QKI: variants seen among roughly 807,000 people sequenced by gnomAD.
QKI encodes QKI, KH domain containing RNA binding.
In QKI, 10 loss-of-function variants were observed where a neutral mutation model predicts 39.0. The ratio of observed to expected loss-of-function variants is 0.26; its 90% CI spans 0.16 to 0.43. The LOEUF is 0.43. QKI is among the 20% of genes least tolerant of loss of function. The pLI is 1.00. For missense variants in QKI, 218 were observed against 428.0 expected (o/e 0.51, Z 4.33); for synonymous variants, 204 against 155.4 (o/e 1.31, Z -2.33).
chr6:163,531,956 CAG>C (rs767647434), intron 3 of QKI, among the ~76,000 whole-genome samples: 30 of 152,304 alleles, frequency 2.0e-4, no homozygotes, highest in Non-Finnish European at 4.1e-4. Flanking sequence ...TTGAAGCAAA[CAG>C]GGTAGATGTA....
intron 2 of QKI, chr6:163,457,450 G>A (rs1274063466): frequency 1.8e-5 from 8 of 455,734 alleles, no homozygotes; most frequent in South Asian, 6.2e-5. Flanking sequence ...TGTCTTGATC[G>A]GTGATTCTCA....
At chr6:163,438,312 T>C (rs892908265) in intron 1 of QKI, among the ~76,000 whole-genome samples, 1 of 152,224 alleles carries the variant, frequency 6.6e-6, no homozygotes, top group Non-Finnish European at 1.5e-5. Flanking sequence ...ACAGTCATCA[T>C]TTATAATGAC....
intron 3 of QKI, among the ~76,000 whole-genome samples, chr6:163,515,921 T>G (rs1291157568): frequency 6.6e-6 from 1 of 152,184 alleles, no homozygotes; most frequent in Non-Finnish European, 1.5e-5. Context: ...GTCACCTCTT[T>G]GTGGTATAAG....
chr6:163,545,779 G>C (rs557078000), intron 4 of QKI, among the ~76,000 whole-genome samples: 2 of 151,714 alleles, frequency 1.3e-5, no homozygotes, highest in African/African-American at 4.8e-5. Flanking sequence ...AATTTTAGGC[G>C]TTGCAAATGT....
At chr6:163,564,801 C>A in intron 6 of QKI, 2 of 1,597,862 alleles carry the variant, frequency 1.3e-6, no homozygotes, top group Non-Finnish European at 1.7e-6. Flanking sequence ...CTTTGTTTTA[C>A]CAGACAAAAT....
intron 4 of QKI, 77 bp from the exon 5 acceptor site, chr6:163,561,905 A>G: frequency 8.9e-7 from 1 of 1,124,860 alleles, no homozygotes; most frequent in Non-Finnish European, 1.3e-6. Flanking sequence ...ACTTACTTTA[A>G]GGCTTGTGTG....
chr6:163,509,958 A>C (rs1412610408), intron 3 of QKI, among the ~76,000 whole-genome samples: 1 of 152,172 alleles, frequency 6.6e-6, no homozygotes, highest in Non-Finnish European at 1.5e-5. Flanking sequence ...TCAGGCCTGT[A>C]ATCCTAGCAC....
rs898975800 is a variant in QKI at position 163,565,460 on chromosome 6, A to G, written c.935-1261A>G. 3 of 986,330 alleles carry G rather than the reference A, an allele frequency of 3.0e-6. No homozygotes were observed. The African/African-American group carries it at 5.2e-5, about 17-fold the overall frequency. 61.1% of individuals were successfully genotyped at this position (986,330 alleles called of 1,614,324 possible). The stretch of plus-strand genomic sequence containing the variant: ...CCTTATCTAAAATGAATAAGAGGTG[A>G]TGGACCAGTTTACTGCTTAGAAATA... On this transcript the variant is annotated intron_variant, in intron 6 of 7. Transcript: ENST00000361752.
At chr6:163,492,558 T>TA (rs1778123340) in intron 3 of QKI, among the ~76,000 whole-genome samples, 1 of 152,264 alleles carries the variant, frequency 6.6e-6, no homozygotes, top group East Asian at 1.9e-4. Flanking sequence ...AGAATGTTTT[T>TA]AAAAAGGTCT....
chr6:163,521,475 C>T (rs886294871), intron 3 of QKI, among the ~76,000 whole-genome samples: 1 of 152,076 alleles, frequency 6.6e-6, no homozygotes, highest in Non-Finnish European at 1.5e-5. Context: ...GGTTGAAAGT[C>T]ATTACCAAGA....
intron 3 of QKI, among the ~76,000 whole-genome samples, chr6:163,516,215 A>G (rs963829731): frequency 6.6e-6 from 1 of 152,142 alleles, no homozygotes; most frequent in Non-Finnish European, 1.5e-5. Context: ...CATACATTGT[A>G]CCCCTCAGTG....
chr6:163,531,688 A>T (rs1261081645), intron 3 of QKI, among the ~76,000 whole-genome samples: 1 of 152,280 alleles, frequency 6.6e-6, no homozygotes, highest in East Asian at 1.9e-4. Context: ...TTTATTTATA[A>T]TAGACACAGG....
In QKI at chr6:163,427,378, G is replaced by A. The variant is rs555120893; in HGVS notation, c.142+12043G>A. Among the ~76,000 whole-genome samples the A allele has an allele frequency of 6.0e-5, 9 of 149,940 alleles. No homozygotes were observed. The South Asian group carries it at 1.7e-3, about 28-fold the overall frequency. ...AACAAAATTAATAATATTACTAATA[G>A]CAGTAAAACTATCTTTAAAATTTTT... On this transcript the variant is annotated intron_variant, in intron 1 of 7. Transcript: ENST00000361752.
Position 163,467,153 on chromosome 6 carries a change from TCA to T in QKI, c.286-11609_286-11608del, listed in dbSNP as rs763811466. Among the ~76,000 whole-genome samples, 197 of 149,928 alleles carry T rather than the reference TCA, an allele frequency of 1.3e-3. 1 individual carries two copies. Among genetic ancestry groups the T allele is most frequent in the African/African-American group, 4.0e-3 (164 of 41,042 alleles). ...AAGGCTTATGAAAAGGTGCTTAACA[TCA>T]CACACACACACACACACGTGCGTGT... On this transcript the variant is annotated intron_variant, in intron 2 of 7. Coordinates refer to ENST00000361752, the MANE Select transcript of QKI (RefSeq NM_006775.3).
At chr6:163,518,903 G>A (rs1779989727) in intron 3 of QKI, among the ~76,000 whole-genome samples, 1 of 152,064 alleles carries the variant, frequency 6.6e-6, no homozygotes, top group Non-Finnish European at 1.5e-5. Context: ...GGTAAGCCTA[G>A]GAGGCACATA....
intron 3 of QKI, among the ~76,000 whole-genome samples, chr6:163,524,614 A>AT (rs1485295481): frequency 6.9e-6 from 1 of 144,706 alleles, no homozygotes; most frequent in Non-Finnish European, 1.5e-5. Flanking sequence ...GATTACAGAC[A>AT]TGTGCCACCA....
intron 3 of QKI, among the ~76,000 whole-genome samples, chr6:163,513,668 C>A (rs139303462): frequency 2.0e-5 from 3 of 152,100 alleles, no homozygotes; most frequent in Non-Finnish European, 4.4e-5. Flanking sequence ...GAGTGACTTA[C>A]TATTCTCCTC....
chr6:163,558,509 C>G (rs1782790589), intron 4 of QKI, among the ~76,000 whole-genome samples: 1 of 151,272 alleles, frequency 6.6e-6, no homozygotes, highest in Non-Finnish European at 1.5e-5. Context: ...AAGCGATTCT[C>G]TTTCCTCAGC....
Position 163,543,600 on chromosome 6 carries a change from T to G in QKI, c.546+8475T>G, listed in dbSNP as rs140811045. 1.8e-3 allele frequency among the ~76,000 whole-genome samples: 275 copies of G among 152,194 alleles called. 1 individual carries two copies. The highest frequency in any genetic ancestry group is 6.4e-3 in the African/African-American group (265 of 41,564). ...TTTTCAAATGTGAGAGGCGTTTACT[T>G]AAAGCTTTTTGGCGGGTTTGAATAA... On this transcript the variant is annotated intron_variant, in intron 4 of 7. Transcript: ENST00000361752.
Sources: gnomAD v4.1 joint callset for allele counts (sites outside exome capture counted in the v4.1 genomes callset) on GRCh38, gnomAD v4.1.1 for gene constraint, MANE v1.5 for transcripts, NCBI Gene and HGNC (gene_info 2026-07-23, HGNC 2026-07-21) for gene names.